The following ITSN1 variants were observed in gnomAD, a reference collection of about 807,000 sequenced individuals.
ITSN1 encodes the protein intersectin-1.
In ITSN1, 58 loss-of-function variants were observed where a neutral mutation model predicts 239.8. The observed-to-expected ratio is 0.24, with a 90% confidence interval of 0.20 to 0.30. The LOEUF is 0.30. Among genes scored for constraint, ITSN1 ranks in the 10% least tolerant of loss-of-function variants. The pLI, the probability that ITSN1 is intolerant of heterozygous loss-of-function variation, is 1.00. For missense variants in ITSN1, 1,558 were observed against 2,103.3 expected, an observed-to-expected ratio of 0.74 and a Z score of 5.07; for synonymous variants, 780 against 770.8, an observed-to-expected ratio of 1.01 and a Z score of -0.20.
intron 20 of ITSN1, among the ~76,000 whole-genome samples, chr21:33,809,136 A>G (rs1569225012): frequency 1.3e-5 from 2 of 152,250 alleles, no homozygotes; most frequent in Non-Finnish European, 2.9e-5. Context: ...CTGCCCAGAA[A>G]AAGAACAGTA....
intron 18 of ITSN1, among the ~76,000 whole-genome samples, chr21:33,798,028 T>C (rs1312655160): frequency 2.0e-5 from 3 of 152,276 alleles, no homozygotes; most frequent in African/African-American, 7.2e-5. Context: ...TGCATAAAAC[T>C]GCTTTTACTT....
intron 24 of ITSN1, among the ~76,000 whole-genome samples, chr21:33,820,412 A>G (rs1471448190): frequency 1.3e-5 from 2 of 152,242 alleles, no homozygotes; most frequent in Non-Finnish European, 2.9e-5. Flanking sequence ...CCAATTCTAT[A>G]GTAATTCTTT....
intron 29 of ITSN1, among the ~76,000 whole-genome samples, chr21:33,849,095 G>A (rs528618768): frequency 6.6e-6 from 1 of 151,980 alleles, no homozygotes; most frequent in Non-Finnish European, 1.5e-5. Context: ...ACAAAAATTA[G>A]CTGGGCGTGG....
intron 1 of ITSN1, among the ~76,000 whole-genome samples, chr21:33,717,814 G>A (rs1016064345): frequency 3.3e-5 from 5 of 152,124 alleles, no homozygotes; most frequent in Admixed American, 6.5e-5. Context: ...TGATCCGCCC[G>A]CCTTGGCCTC....
At chr21:33,731,562 A>T (rs1445604685) in intron 4 of ITSN1, among the ~76,000 whole-genome samples, 1 of 152,264 alleles carries the variant, frequency 6.6e-6, no homozygotes, top group East Asian at 1.9e-4. Context: ...GATCCAAAAA[A>T]GTCAAAATCT....
chr21:33,710,185 T>G (rs2092374482), intron 1 of ITSN1, among the ~76,000 whole-genome samples: 1 of 151,766 alleles, frequency 6.6e-6, no homozygotes, highest in Non-Finnish European at 1.5e-5. Flanking sequence ...TTCACGCCAT[T>G]CTCCTGCCTC....
At chr21:33,803,671 GC>G (rs2072188597) in intron 20 of ITSN1, among the ~76,000 whole-genome samples, 1 of 152,026 alleles carries the variant, frequency 6.6e-6, no homozygotes, top group South Asian at 2.1e-4. Flanking sequence ...TAAAGAAGGG[GC>G]TTTCGTGTTG....
intron 1 of ITSN1, among the ~76,000 whole-genome samples, chr21:33,692,264 G>A (rs1466074722): frequency 6.6e-6 from 1 of 152,164 alleles, no homozygotes; most frequent in Non-Finnish European, 1.5e-5. Flanking sequence ...AGAATCTGAA[G>A]CTTAGAAAGA....
At chr21:33,732,498 G>A (rs2066249953) in intron 4 of ITSN1, among the ~76,000 whole-genome samples, 1 of 152,142 alleles carries the variant, frequency 6.6e-6, no homozygotes, top group African/African-American at 2.4e-5. Context: ...TCTAAACAAT[G>A]AACTCTATTA....
chr21:33,744,460 A>G (rs191236621), intron 5 of ITSN1, among the ~76,000 whole-genome samples: 8 of 152,270 alleles, frequency 5.3e-5, no homozygotes, highest in Admixed American at 1.3e-4. Context: ...CTCTTCATCT[A>G]TCCATCTATT....
chr21:33,837,623 G>T (rs1404588557), intron 29 of ITSN1: 5 of 985,926 alleles, frequency 5.1e-6, no homozygotes, highest in Non-Finnish European at 6.0e-6. Flanking sequence ...GCTTGTTTGT[G>T]TGTATCAGCT....
intron 1 of ITSN1, among the ~76,000 whole-genome samples, chr21:33,688,891 C>T (rs1467709027): frequency 5.9e-5 from 9 of 151,408 alleles, no homozygotes; most frequent in Admixed American, 2.0e-4. Flanking sequence ...GGCACGATCT[C>T]GGTGCACTGC....
chr21:33,862,088 G>C (rs571779554), intron 31 of ITSN1, among the ~76,000 whole-genome samples: 2 of 145,552 alleles, frequency 1.4e-5, no homozygotes, highest in East Asian at 2.1e-4. Flanking sequence ...GCTTGAACCC[G>C]GTGGGGGCAG....
chr21:33,661,180 A>G (rs2089523249), intron 1 of ITSN1, among the ~76,000 whole-genome samples: 1 of 152,184 alleles, frequency 6.6e-6, no homozygotes, highest in African/African-American at 2.4e-5. Context: ...CCAGATACCC[A>G]AATCTGAATA....
intron 16 of ITSN1, among the ~76,000 whole-genome samples, chr21:33,792,422 C>T (rs935897835): frequency 6.6e-6 from 1 of 151,714 alleles, no homozygotes; most frequent in Non-Finnish European, 1.5e-5. Flanking sequence ...GCCATGGTGG[C>T]GTAACTTTTA....
Position 33,818,299 on chromosome 21 carries a change from C to T in ITSN1, c.2760C>T (p.Ala920=). 1.9e-6 allele frequency: 3 copies of T among 1,614,086 alleles called. No homozygotes were observed. Among genetic ancestry groups the T allele is most frequent in the Non-Finnish European group, 2.5e-6 (3 of 1,179,996 alleles). ...AGGTGGAGGGGCTACAAGCTCAAGC[C>T]CTATATCCTTGGAGAGCCAAAAAAG... The part of the protein sequence containing the change: ...GEKVEGLQAQ[A]LYPWRAKKDN... Residue 920 remains alanine (A), a synonymous_variant, in exon 23 of 40, where the codon GCC becomes GCT. Transcript: ENST00000381318.
chr21:33,775,240 G>A lies in ITSN1; in HGVS notation c.1596+132G>A, dbSNP rs1158165503. 4 of 862,100 alleles carry A rather than the reference G, an allele frequency of 4.6e-6. No homozygotes were observed. The East Asian group carries it at 8.2e-5, about 18-fold the overall frequency. 53.4% of individuals were successfully genotyped at this position (862,100 alleles called of 1,614,324 possible). Reference sequence around the variant, plus strand: ...CTAGGCACTGGGAAGCAAAAATGAAGTAGACAGGGTCCTTGTGTGAAAAGT... The same window carrying A: ...CTAGGCACTGGGAAGCAAAAATGAAATAGACAGGGTCCTTGTGTGAAAAGT... On this transcript the variant is annotated intron_variant, in intron 14 of 39. Transcript: ENST00000381318.
chr21:33,674,661 C>T (rs1424135241), intron 1 of ITSN1, among the ~76,000 whole-genome samples: 2 of 152,070 alleles, frequency 1.3e-5, no homozygotes, highest in Non-Finnish European at 2.9e-5. Flanking sequence ...TTAGAAAATA[C>T]TGTTTGATAG....
chr21:33,779,232 C>G (rs1194322556), intron 14 of ITSN1, among the ~76,000 whole-genome samples: 2 of 147,900 alleles, frequency 1.4e-5, no homozygotes, highest in Admixed American at 1.4e-4. Flanking sequence ...GTTTAATTTT[C>G]TTTTCTCAAG....
Sources: gnomAD v4.1 joint callset for allele counts (sites outside exome capture counted in the v4.1 genomes callset) on GRCh38, gnomAD v4.1.1 for gene constraint, MANE v1.5 for transcripts, NCBI Gene and HGNC (gene_info 2026-07-23, HGNC 2026-07-21) for gene names.